Variants in NSMCE2 observed in about 807,000 individuals in gnomAD.
NSMCE2 encodes the protein NSE2 SUMO ligase component of SMC5/6 complex, also known as E3 SUMO-protein ligase NSE2.
In NSMCE2, 24 loss-of-function variants were observed where a neutral mutation model predicts 23.8. That is an observed-to-expected ratio of 1.01 (90% CI 0.73 to 1.42). The LOEUF (loss-of-function observed/expected upper bound fraction) is 1.42. NSMCE2 is among the 40% of genes most tolerant of loss of function. The pLI is 0.00. For missense variants in NSMCE2, 284 were observed against 296.5 expected (o/e 0.96, Z 0.31); for synonymous variants, 92 against 94.1 (o/e 0.98, Z 0.13).
At chr8:125,201,661 G>C (rs1305306557) in intron 5 of NSMCE2, among the ~76,000 whole-genome samples, 3 of 152,224 alleles carry the variant, frequency 2.0e-5, no homozygotes, top group South Asian at 4.1e-4. Flanking sequence ...GGACCCACTT[G>C]AGGAAGCAGT....
intron 4 of NSMCE2, among the ~76,000 whole-genome samples, chr8:125,156,900 C>G (rs767633732): frequency 3.9e-5 from 6 of 152,136 alleles, no homozygotes; most frequent in Non-Finnish European, 8.8e-5. Flanking sequence ...CCTTAATATC[C>G]ACTACTTTAA....
At chr8:125,195,088 G>T (rs892455549) in intron 5 of NSMCE2, among the ~76,000 whole-genome samples, 1 of 152,060 alleles carries the variant, frequency 6.6e-6, no homozygotes, top group African/African-American at 2.4e-5. Flanking sequence ...CTGAAACTGG[G>T]AGAGTAAGAC....
chr8:125,197,421 G>A (rs1226904651), intron 5 of NSMCE2, among the ~76,000 whole-genome samples: 1 of 152,174 alleles, frequency 6.6e-6, no homozygotes, highest in African/African-American at 2.4e-5. Context: ...CATATGACTA[G>A]CCAGTTTTCC....
At chr8:125,268,851 T>A (rs1171863296) in intron 5 of NSMCE2, among the ~76,000 whole-genome samples, 1 of 152,158 alleles carries the variant, frequency 6.6e-6, no homozygotes, top group African/African-American at 2.4e-5. Context: ...TCATGAGTAA[T>A]CATAGGAGTA....
At chr8:125,292,841 A>T (rs984512341) in intron 5 of NSMCE2, among the ~76,000 whole-genome samples, 1 of 152,218 alleles carries the variant, frequency 6.6e-6, no homozygotes, top group Non-Finnish European at 1.5e-5. Flanking sequence ...AAGCACAACT[A>T]TGAGTTGCCC....
At chr8:125,359,015 C>A (rs1172145758) in intron 7 of NSMCE2, among the ~76,000 whole-genome samples, 1 of 151,962 alleles carries the variant, frequency 6.6e-6, no homozygotes, top group Non-Finnish European at 1.5e-5. Context: ...ACCTGTAATT[C>A]CAGCACTTTG....
chr8:125,166,210 A>T (rs1821869260), intron 4 of NSMCE2, among the ~76,000 whole-genome samples: 1 of 152,162 alleles, frequency 6.6e-6, no homozygotes, highest in African/African-American at 2.4e-5. Flanking sequence ...ACGATCTCAA[A>T]ATAGATGTTT....
At chr8:125,101,256 A>G (rs752146714) in intron 1 of NSMCE2, among the ~76,000 whole-genome samples, 2 of 152,210 alleles carry the variant, frequency 1.3e-5, no homozygotes, top group Non-Finnish European at 2.9e-5. Flanking sequence ...TGGAGAAACT[A>G]CAATAGTAGT....
intron 5 of NSMCE2, among the ~76,000 whole-genome samples, chr8:125,235,016 CG>C (rs1563735202): frequency 6.6e-6 from 1 of 152,138 alleles, no homozygotes; most frequent in African/African-American, 2.4e-5. Flanking sequence ...GAGGCTGAGG[CG>C]GGCAGATCAC....
chr8:125,282,210 T>C (rs182332207), intron 5 of NSMCE2, among the ~76,000 whole-genome samples: 337 of 151,922 alleles, frequency 2.2e-3, no homozygotes, highest in African/African-American at 7.7e-3. Flanking sequence ...CCCACCCAGG[T>C]TTAAGCGATT....
At chr8:125,308,160 C>T (rs528406293) in intron 5 of NSMCE2, among the ~76,000 whole-genome samples, 6 of 152,210 alleles carry the variant, frequency 3.9e-5, no homozygotes, top group African/African-American at 1.2e-4. Flanking sequence ...TCTCTTAGAA[C>T]GTGGTGCCAT....
intron 3 of NSMCE2, among the ~76,000 whole-genome samples, chr8:125,144,872 C>T (rs1370219898): frequency 6.6e-6 from 1 of 152,110 alleles, no homozygotes; most frequent in East Asian, 1.9e-4. Context: ...CTATTCAATA[C>T]CTCAAAAAGA....
chr8:125,333,723 C>T (rs1424143604), intron 5 of NSMCE2, among the ~76,000 whole-genome samples: 2 of 151,592 alleles, frequency 1.3e-5, no homozygotes, highest in African/African-American at 4.9e-5. Flanking sequence ...CCATTTTAGC[C>T]GGGATGGTCT....
chr8:125,354,256 A>C (rs2131359949), intron 5 of NSMCE2, among the ~76,000 whole-genome samples: 1 of 152,270 alleles, frequency 6.6e-6, no homozygotes, highest in East Asian at 1.9e-4. Flanking sequence ...TTGAAAAAAT[A>C]TTTGTATAAT....
chr8:125,098,163 C>T (rs1474718406), intron 1 of NSMCE2, among the ~76,000 whole-genome samples: 3 of 152,106 alleles, frequency 2.0e-5, no homozygotes, highest in African/African-American at 7.2e-5. Flanking sequence ...ATTAGAAATT[C>T]TGAGGGTGAG....
At chr8:125,283,288 C>A (rs1408857897) in intron 5 of NSMCE2, among the ~76,000 whole-genome samples, 1 of 152,168 alleles carries the variant, frequency 6.6e-6, no homozygotes, top group Non-Finnish European at 1.5e-5. Flanking sequence ...GTGGCTCATG[C>A]CTGTAATCCC....
chr8:125,242,499 A>G (rs892356143), intron 5 of NSMCE2, among the ~76,000 whole-genome samples: 12 of 151,600 alleles, frequency 7.9e-5, no homozygotes, highest in African/African-American at 2.7e-4. Context: ...GCAGACCACC[A>G]AGAAAAGATG....
chr8:125,277,282 C>T (rs941178309), intron 5 of NSMCE2, among the ~76,000 whole-genome samples: 5 of 152,140 alleles, frequency 3.3e-5, no homozygotes, highest in African/African-American at 7.2e-5. Context: ...ATCATTCTTG[C>T]TAGCTCCTGA....
intron 5 of NSMCE2, among the ~76,000 whole-genome samples, chr8:125,193,280 C>T (rs887725953): frequency 6.6e-6 from 1 of 152,118 alleles, no homozygotes; most frequent in Non-Finnish European, 1.5e-5. Flanking sequence ...GGACAAGCTA[C>T]AACATAGGAC....
Sources: allele counts gnomAD v4.1 joint callset (sites outside exome capture counted in the v4.1 genomes callset), GRCh38; gene constraint gnomAD v4.1.1; transcripts MANE v1.5; gene names NCBI Gene and HGNC (gene_info 2026-07-23, HGNC 2026-07-21).